Variants in SLC49A4 observed in about 807,000 individuals in gnomAD.
The protein encoded by SLC49A4 is disrupted in renal cancer protein 2.
Under a neutral mutation model 50.6 loss-of-function variants are expected in SLC49A4, and 36 were observed. The observed-to-expected ratio is 0.71, with a 90% confidence interval of 0.55 to 0.94. The LOEUF (loss-of-function observed/expected upper bound fraction) is 0.94. SLC49A4 is among the 40% of genes least tolerant of loss of function. SLC49A4 has a pLI of 0.00. For synonymous variants in SLC49A4, 248 were observed against 241.2 expected, an observed-to-expected ratio of 1.03 and a Z score of -0.26; for missense variants, 503 against 605.7, an observed-to-expected ratio of 0.83 and a Z score of 1.78.
intron 1 of SLC49A4, 34 bp from the exon 2 acceptor site, chr3:122,806,823 T>C: frequency 7.7e-7 from 1 of 1,305,180 alleles, no homozygotes; most frequent in Non-Finnish European, 1.1e-6. Flanking sequence ...TAGGAGAAAA[T>C]CAAGATAATT....
intron 2 of SLC49A4, among the ~76,000 whole-genome samples, chr3:122,820,324 CT>C (rs2107562683): frequency 6.6e-6 from 1 of 152,182 alleles, no homozygotes; most frequent in South Asian, 2.1e-4. Flanking sequence ...CCCTCCAATA[CT>C]TTTTAAAGAA....
chr3:122,833,747 C>A (rs918544192), intron 4 of SLC49A4, among the ~76,000 whole-genome samples: 2 of 151,564 alleles, frequency 1.3e-5, no homozygotes, highest in Non-Finnish European at 2.9e-5. Context: ...TTAAAGAATC[C>A]CATATCATAC....
intron 4 of SLC49A4, among the ~76,000 whole-genome samples, chr3:122,833,653 G>A (rs926349492): frequency 4.6e-5 from 7 of 152,008 alleles, no homozygotes; most frequent in African/African-American, 1.4e-4. Context: ...TATAATTTTT[G>A]CCTTCTCTAC....
At chr3:122,816,628 C>A (rs1936370866) in intron 2 of SLC49A4, among the ~76,000 whole-genome samples, 1 of 152,156 alleles carries the variant, frequency 6.6e-6, no homozygotes, top group Admixed American at 6.5e-5. Flanking sequence ...GACAATATTT[C>A]TTTCTTATTA....
intron 8 of SLC49A4, 113 bp downstream of exon 8, chr3:122,872,710 G>A (rs1338258380): frequency 5.8e-6 from 4 of 693,034 alleles, no homozygotes; most frequent in Non-Finnish European, 9.0e-6. Context: ...ATTACTTTAT[G>A]TGAACTTCCA....
chr3:122,816,004 A>C (rs777675638), intron 2 of SLC49A4, among the ~76,000 whole-genome samples: 2 of 152,170 alleles, frequency 1.3e-5, no homozygotes, highest in Non-Finnish European at 2.9e-5. Flanking sequence ...AGCCATGCCA[A>C]AATATTTCTC....
At chr3:122,826,709 A>G (rs1449631272) in intron 2 of SLC49A4, 91 bp from the exon 3 acceptor site, 6 of 1,289,550 alleles carry the variant, frequency 4.7e-6, no homozygotes, top group African/African-American at 3.0e-5. Flanking sequence ...ACTTATTGCC[A>G]TAGTTAAAAA....
chr3:122,876,713 G>C (rs143496896), intron 8 of SLC49A4, among the ~76,000 whole-genome samples: 1 of 152,340 alleles, frequency 6.6e-6, no homozygotes, highest in African/African-American at 2.4e-5. Context: ...AACCGAAAGC[G>C]TGACTCCACT....
At chr3:122,822,075 C>T (rs184288797) in intron 2 of SLC49A4, among the ~76,000 whole-genome samples, 1 of 152,246 alleles carries the variant, frequency 6.6e-6, no homozygotes, top group Non-Finnish European at 1.5e-5. Context: ...CCTGTGGGGA[C>T]TGCTGCCATG....
chr3:122,796,734 AT>A (rs199860944), intron 1 of SLC49A4, among the ~76,000 whole-genome samples: 1 of 152,132 alleles, frequency 6.6e-6, no homozygotes, highest in Non-Finnish European at 1.5e-5. Context: ...CAAAATGTGA[AT>A]TTGAGGCCTG....
intron 2 of SLC49A4, among the ~76,000 whole-genome samples, chr3:122,809,160 T>G (rs1936263588): frequency 6.6e-6 from 1 of 152,212 alleles, no homozygotes; most frequent in African/African-American, 2.4e-5. Context: ...AAATGTTCAG[T>G]TTTGAATTTC....
At chr3:122,873,243 G>A (rs1183807799) in intron 8 of SLC49A4, among the ~76,000 whole-genome samples, 4 of 151,588 alleles carry the variant, frequency 2.6e-5, no homozygotes, top group Non-Finnish European at 4.4e-5. Context: ...GCAGTGGCAC[G>A]ATCTCAACTC....
intron 7 of SLC49A4, among the ~76,000 whole-genome samples, chr3:122,870,600 G>A (rs1335526421): frequency 6.7e-6 from 1 of 150,310 alleles, no homozygotes; most frequent in East Asian, 2.0e-4. Context: ...CTTGAGGTCA[G>A]GAGTTCGAGA....
chr3:122,861,021 T>C (rs1285364887), intron 7 of SLC49A4, among the ~76,000 whole-genome samples: 1 of 152,222 alleles, frequency 6.6e-6, no homozygotes, highest in African/African-American at 2.4e-5. Context: ...CCTTTTCACG[T>C]TGCATTATCT....
Position 122,830,560 on chromosome 3 carries a change from A to G in SLC49A4, c.704-2757A>G, listed in dbSNP as rs146537402. Among the ~76,000 whole-genome samples the G allele has an allele frequency of 2.6e-5, 4 of 152,370 alleles. No homozygotes were observed. The South Asian group carries it at 6.2e-4, about 24-fold the overall frequency. The stretch of plus-strand genomic sequence containing the variant: ...TGATTTTTCAGAAGGGTCCCAAGAT[A>G]ATAAGGGAAAAAGTCTTTTCAGTAA... On this transcript the variant is annotated intron_variant, in intron 3 of 8. Coordinates refer to ENST00000261038, the MANE Select transcript of SLC49A4 (RefSeq NM_032839.3).
intron 8 of SLC49A4, among the ~76,000 whole-genome samples, chr3:122,878,966 G>A (rs573452786): frequency 9.9e-5 from 15 of 152,284 alleles, no homozygotes; most frequent in African/African-American, 2.9e-4. Context: ...ATTTAAAGGT[G>A]ATTGATTTTT....
At chr3:122,866,746 A>G (rs1448758431) in intron 7 of SLC49A4, among the ~76,000 whole-genome samples, 1 of 151,360 alleles carries the variant, frequency 6.6e-6, no homozygotes, top group Non-Finnish European at 1.5e-5. Context: ...ACCATTCCTC[A>G]TCGGATGTGG....
intron 1 of SLC49A4, among the ~76,000 whole-genome samples, chr3:122,800,383 A>T (rs1483311345): frequency 6.6e-6 from 1 of 152,248 alleles, no homozygotes; most frequent in Non-Finnish European, 1.5e-5. Flanking sequence ...AAATGTAACA[A>T]GAGGAATCAA....
At chr3:122,823,323 G>A (rs1410636884) in intron 2 of SLC49A4, among the ~76,000 whole-genome samples, 2 of 152,238 alleles carry the variant, frequency 1.3e-5, no homozygotes, top group Non-Finnish European at 2.9e-5. Flanking sequence ...AGCTCCACAT[G>A]CATATATGCA....
Sources: allele counts gnomAD v4.1 joint callset (sites outside exome capture counted in the v4.1 genomes callset), GRCh38; gene constraint gnomAD v4.1.1; transcripts MANE v1.5; gene names NCBI Gene and HGNC (gene_info 2026-07-23, HGNC 2026-07-21).